NUGGC: variants seen among roughly 807,000 people sequenced by gnomAD.
NUGGC encodes the protein nuclear GTPase SLIP-GC.
NUGGC carries 58 observed loss-of-function variants against 92.6 expected under a neutral mutation model. The ratio of observed to expected loss-of-function variants is 0.63; its 90% confidence interval spans 0.51 to 0.78. The LOEUF (loss-of-function observed/expected upper bound fraction) is 0.78, where lower values mean the gene tolerates loss of function less well. NUGGC is among the 30% of genes least tolerant of loss of function. NUGGC has a pLI of 0.00. For missense variants in NUGGC, 925 were observed against 964.6 expected, an observed-to-expected ratio of 0.96 and a Z score of 0.54; for synonymous variants, 376 against 366.4, an observed-to-expected ratio of 1.03 and a Z score of -0.30.
intron 17 of NUGGC, among the ~76,000 whole-genome samples, chr8:28,027,707 C>A (rs892543334): frequency 6.6e-6 from 1 of 152,106 alleles, no homozygotes; most frequent in African/African-American, 2.4e-5. Flanking sequence ...ATCAAGAGCC[C>A]TAAGCATACA....
At chr8:28,078,569 CATGTG>C (rs1363347928) in intron 1 of NUGGC, among the ~76,000 whole-genome samples, 1 of 152,134 alleles carries the variant, frequency 6.6e-6, no homozygotes, top group African/African-American at 2.4e-5. Flanking sequence ...TCAGGTTTCC[CATGTG>C]TAAGGCAAAG....
At chr8:28,055,839 A>G in intron 10 of NUGGC, 126 bp downstream of exon 10, 1 of 587,952 alleles carries the variant, frequency 1.7e-6, no homozygotes, top group Non-Finnish European at 3.0e-6. Flanking sequence ...GTCTCAAAAC[A>G]AAAGAAACTA....
rs535303167 is a variant in NUGGC at position 28,023,433 on chromosome 8, T to C, written c.2275A>G (p.Lys759Glu). 6.2e-7 allele frequency: 1 copy of C among 1,613,890 alleles called. No individual in the cohort carries two copies. Among genetic ancestry groups the C allele is most frequent in the South Asian group, 1.1e-5 (1 of 91,070 alleles). Residue 759 changes from lysine (K) to glutamate (E), a missense_variant, in exon 19 of 19, where the codon AAG (lysine) becomes GAG (glutamate). Coordinates refer to ENST00000413272, the MANE Select transcript of NUGGC (RefSeq NM_001010906.2). ...DVGSEYKEME[K>E]LHRSLREVAE... ...ACCTCCCTCAGGCTTCTGTGCAGCT[T>C]CTCCATCTCCTTGTATTCACTCCCG...
chr8:28,039,641 G>T (rs1272998910), intron 13 of NUGGC, among the ~76,000 whole-genome samples: 1 of 152,174 alleles, frequency 6.6e-6, no homozygotes, highest in Non-Finnish European at 1.5e-5. Flanking sequence ...AAAGCCTCCA[G>T]GAAGCCAACC....
At chr8:28,060,713 C>T in intron 7 of NUGGC, 112 bp from the exon 8 acceptor site, 2 of 826,228 alleles carry the variant, frequency 2.4e-6, no homozygotes, top group Admixed American at 2.7e-5. Context: ...CCCCTCACCG[C>T]TCCCCACCGC....
intron 9 of NUGGC, 147 bp from the exon 10 acceptor site, chr8:28,056,201 G>A (rs190774918): frequency 1.3e-3 from 685 of 544,606 alleles, no homozygotes; most frequent in Non-Finnish European, 1.5e-3. Context: ...CACAGTTGCC[G>A]GGCACGGTGG....
At chr8:28,048,064 G>A (rs1038579173) in intron 10 of NUGGC, among the ~76,000 whole-genome samples, 3 of 152,152 alleles carry the variant, frequency 2.0e-5, no homozygotes, top group Non-Finnish European at 4.4e-5. Context: ...GCTTGAAATT[G>A]ACAATGTTGG....
chr8:28,063,200 TCAAGAAAACCCA>T (rs1181896816), intron 7 of NUGGC, among the ~76,000 whole-genome samples: 1 of 151,814 alleles, frequency 6.6e-6, no homozygotes, highest in Non-Finnish European at 1.5e-5. Context: ...TGAGAGGAGG[TCAAGAAAACCCA>T]CAAGAATGCA....
At chr8:28,033,935 T>C (rs1180790280) in intron 13 of NUGGC, among the ~76,000 whole-genome samples, 1 of 152,214 alleles carries the variant, frequency 6.6e-6, no homozygotes, top group Non-Finnish European at 1.5e-5. Flanking sequence ...ATCACAACCC[T>C]TCTGAAGTGA....
intron 7 of NUGGC, 96 bp downstream of exon 7, chr8:28,064,425 CA>C: frequency 9.6e-7 from 1 of 1,043,308 alleles, no homozygotes; most frequent in Non-Finnish European, 1.4e-6. Context: ...CCAATGAACT[CA>C]AAATCCCTGA....
At chr8:28,049,810 G>T (rs200147124) in intron 10 of NUGGC, among the ~76,000 whole-genome samples, 1 of 152,234 alleles carries the variant, frequency 6.6e-6, no homozygotes, top group African/African-American at 2.4e-5. Context: ...GGGAGGCTAG[G>T]TGTGGTGGCT....
intron 13 of NUGGC, among the ~76,000 whole-genome samples, chr8:28,040,305 A>G (rs1259212708): frequency 6.6e-6 from 1 of 152,244 alleles, no homozygotes; most frequent in African/African-American, 2.4e-5. Flanking sequence ...CACAACTTGT[A>G]TGCCAATTGA....
chr8:28,030,098 C>G (rs1474285272), intron 16 of NUGGC, among the ~76,000 whole-genome samples: 1 of 152,148 alleles, frequency 6.6e-6, no homozygotes, highest in African/African-American at 2.4e-5. Flanking sequence ...AGCAGGGTGT[C>G]TGGACCAAGG....
At chr8:28,068,749 G>A (rs944157655) in intron 4 of NUGGC, among the ~76,000 whole-genome samples, 3 of 151,906 alleles carry the variant, frequency 2.0e-5, no homozygotes, top group Non-Finnish European at 4.4e-5. Context: ...GTTTGTTTAT[G>A]TGTCTGAGAC....
At chr8:28,043,862 C>G (rs1809760460) in intron 12 of NUGGC, among the ~76,000 whole-genome samples, 1 of 152,158 alleles carries the variant, frequency 6.6e-6, no homozygotes, top group African/African-American at 2.4e-5. Context: ...AAGGTCAAAC[C>G]CTTCCCCAAC....
intron 12 of NUGGC, among the ~76,000 whole-genome samples, chr8:28,043,567 G>A (rs1476324622): frequency 6.6e-6 from 1 of 152,186 alleles, no homozygotes; most frequent in Admixed American, 6.5e-5. Context: ...AGCTATTGCA[G>A]AATTGCCAGT....
At chr8:28,059,137 T>A (rs1195010388) in intron 8 of NUGGC, among the ~76,000 whole-genome samples, 1 of 152,092 alleles carries the variant, frequency 6.6e-6, no homozygotes, top group Non-Finnish European at 1.5e-5. Flanking sequence ...AGCAAGGGAA[T>A]TCCTGGAGAC....
chr8:28,044,638 T>C (rs141645060), intron 12 of NUGGC, among the ~76,000 whole-genome samples: 1 of 152,322 alleles, frequency 6.6e-6, no homozygotes, highest in East Asian at 1.9e-4. Flanking sequence ...TGCTGATTGT[T>C]ACAGAGTTAT....
At chr8:28,034,049 A>G (rs2130093354) in intron 13 of NUGGC, among the ~76,000 whole-genome samples, 1 of 152,348 alleles carries the variant, frequency 6.6e-6, no homozygotes, top group South Asian at 2.1e-4. Flanking sequence ...ACATCTGGGA[A>G]TAACTTAAGT....
Sources: allele counts gnomAD v4.1 joint callset (sites outside exome capture counted in the v4.1 genomes callset), GRCh38; gene constraint gnomAD v4.1.1; transcripts MANE v1.5; gene names NCBI Gene and HGNC (gene_info 2026-07-23, HGNC 2026-07-21).